Variants in GREB1 observed in about 807,000 individuals in gnomAD.
The protein encoded by GREB1 is protein GREB1.
GREB1 carries 106 observed loss-of-function variants against 200.7 expected under a neutral mutation model. The observed-to-expected ratio is 0.53, with a 90% confidence interval of 0.45 to 0.62. The LOEUF (loss-of-function observed/expected upper bound fraction) is 0.62. GREB1 is among the 20% of genes least tolerant of loss of function. The probability of loss-of-function intolerance (pLI) is 0.00; values close to 1 mark genes in which losing one functional copy is unlikely to be tolerated. For missense variants in GREB1, 2,243 were observed against 2,556.8 expected, an observed-to-expected ratio of 0.88 and a Z score of 2.65; for synonymous variants, 1,132 against 1,092.4, an observed-to-expected ratio of 1.04 and a Z score of -0.72.
chr2:11,634,864 C>T (rs1685183140), intron 29 of GREB1, among the ~76,000 whole-genome samples: 1 of 152,204 alleles, frequency 6.6e-6, no homozygotes, highest in African/African-American at 2.4e-5. Flanking sequence ...GCAGGCCACT[C>T]ACCTCCAAGC....
intron 9 of GREB1, 52 bp from the exon 10 acceptor site, chr2:11,588,694 A>C: frequency 6.6e-7 from 1 of 1,518,952 alleles, no homozygotes; most frequent in East Asian, 2.3e-5. Flanking sequence ...CATGTATGGG[A>C]CCGTAAGCTG....
intron 29 of GREB1, 120 bp downstream of exon 29, chr2:11,634,469 C>T (rs1157625377): frequency 1.2e-5 from 8 of 692,180 alleles, no homozygotes; most frequent in Admixed American, 8.4e-5. Flanking sequence ...CCTTGCTCTC[C>T]GTTGTCCCAG....
At chr2:11,578,250 T>C (rs200563287) in intron 5 of GREB1, 47 bp from the exon 6 acceptor site, 1 of 1,586,632 alleles carries the variant, frequency 6.3e-7, no homozygotes, top group Non-Finnish European at 8.6e-7. Context: ...TTCGTAGTTG[T>C]TGGAGAAGAG....
intron 17 of GREB1, among the ~76,000 whole-genome samples, chr2:11,606,923 C>T (rs1682355671): frequency 6.6e-6 from 1 of 151,874 alleles, no homozygotes; most frequent in African/African-American, 2.4e-5. Flanking sequence ...GCTGGGATTA[C>T]AGGCACGCAC....
intron 7 of GREB1, among the ~76,000 whole-genome samples, chr2:11,581,525 G>A (rs1250174714): frequency 6.6e-6 from 1 of 152,176 alleles, no homozygotes; most frequent in Non-Finnish European, 1.5e-5. Context: ...TGGATGAGAG[G>A]GGTGAGTGAA....
rs1461843070 is a variant in GREB1, at chr2:11,642,778, T to G, written c.*2324T>G. On this transcript the variant is annotated 3_prime_UTR_variant, in exon 33 of 33. Transcript: ENST00000381486. The stretch of plus-strand genomic sequence containing the variant: ...GTTCCAGTCTTATAAATAAAACTTA[T>G]AATGCATGTATTGTTTTGTTGGTGA... 1 of 152,238 alleles carries G rather than the reference T, an allele frequency of 6.6e-6. No individual in the cohort carries two copies. The highest frequency in any genetic ancestry group is 1.5e-5 in the Non-Finnish European group (1 of 68,040). 9.4% of individuals were successfully genotyped at this position (152,238 alleles called of 1,614,324 possible).
At chr2:11,526,703 C>T (rs865809999) in intron 1 of GREB1, among the ~76,000 whole-genome samples, 19 of 151,876 alleles carry the variant, frequency 1.3e-4, no homozygotes, top group South Asian at 1.0e-3. Context: ...TTATAGGCAC[C>T]GGCCACCACG....
At chr2:11,515,208 C>T (rs1673459522) in intron 1 of GREB1, among the ~76,000 whole-genome samples, 1 of 152,180 alleles carries the variant, frequency 6.6e-6, no homozygotes, top group African/African-American at 2.4e-5. Context: ...CACCCACTCA[C>T]TCATTCAGTC....
intron 1 of GREB1, among the ~76,000 whole-genome samples, chr2:11,535,225 A>G (rs1674236424): frequency 1.3e-5 from 2 of 152,056 alleles, no homozygotes; most frequent in Non-Finnish European, 2.9e-5. Context: ...GCATTTCCTC[A>G]GGGCCAGTTG....
In GREB1 at chr2:11,585,140, C is replaced by G. The variant is rs769879363; in HGVS notation, c.902-21C>G. 4.3e-6 allele frequency: 6 copies of G among 1,392,908 alleles called. No homozygotes were observed. In the South Asian group the frequency reaches 8.0e-5, roughly 19 times the overall value. The allele number at this position is 1,392,908 out of a possible 1,614,324, so 86.3% of individuals were successfully genotyped here. A position where few individuals can be genotyped will look rare whatever the true frequency, so the allele number is the denominator to read the frequency against. ...GCCCTGTCCTGGTGATAGCCTAATC[C>G]ACACTCTGAATATTGTCTAGGTATC... On this transcript the variant is annotated intron_variant, in intron 7 of 32. Transcript: ENST00000381486.
chr2:11,615,223 G>A lies in GREB1; in HGVS notation c.3255G>A (p.Glu1085=), dbSNP rs771791269. The change falls in exon 20 of 33, where the codon GAG becomes GAA. Residue 1085 remains glutamate, a synonymous_variant. Coordinates refer to ENST00000381486, the MANE Select transcript of GREB1 (RefSeq NM_014668.4). Reference sequence around the variant, plus strand: ...CCTTGGAGAAGGGGGCTAGGAACGAGGCCTTGGAGAGTGATGCTGAGAAGC... The same window carrying A: ...CCTTGGAGAAGGGGGCTAGGAACGAAGCCTTGGAGAGTGATGCTGAGAAGC... ...EVPLEKGARN[E]ALESDAEKLS... is the part of the protein sequence containing the mutation. 8 of 1,613,332 alleles carry A rather than the reference G, an allele frequency of 5.0e-6. No homozygotes were observed. In the East Asian group the frequency reaches 8.9e-5, roughly 18 times the overall value.
rs898919396 is a variant in GREB1 at position 11,633,142 on chromosome 2, G to A, written c.4991+79G>A. On this transcript the variant is annotated intron_variant, in intron 28 of 32. Coordinates refer to ENST00000381486, the MANE Select transcript of GREB1 (RefSeq NM_014668.4). The surrounding 1 kb of genome is among the most constrained non-coding windows in gnomAD (Gnocchi z 4.1). ...AGTGTGCCCTCTTTGTATGGGGAAT[G>A]TGCCCACCCCTGGAAGACCGGAGGG... is the stretch of plus-strand genomic sequence containing the variant. The A allele has an allele frequency of 1.7e-5, 24 of 1,413,282 alleles. No homozygotes were observed. Among genetic ancestry groups the A allele is most frequent in the East Asian group, 4.6e-5 (2 of 43,714 alleles). The allele number at this position is 1,413,282 out of a possible 1,614,324, so 87.5% of individuals were successfully genotyped here.
intron 1 of GREB1, among the ~76,000 whole-genome samples, chr2:11,552,695 G>A (rs1675979442): frequency 6.6e-6 from 1 of 152,270 alleles, no homozygotes; most frequent in South Asian, 2.1e-4. Context: ...CTGTTTGGTT[G>A]TGGCCACAAT....
chr2:11,602,502 G>A lies in GREB1; in HGVS notation c.2626G>A (p.Asp876Asn), dbSNP rs376668046. 11 of 1,613,746 alleles carry A rather than the reference G, an allele frequency of 6.8e-6. No homozygotes were observed. The highest frequency in any genetic ancestry group is 9.3e-6 in the Non-Finnish European group (11 of 1,179,628). Residue 876 changes from aspartate to asparagine, a missense_variant, in exon 17 of 33, where the codon GAT becomes AAT. Asp to Asn is a conservative substitution (Grantham distance 23, BLOSUM62 1). Transcript: ENST00000381486. Reference protein sequence around the residue: ...SGHSLPLLRYDSSFEAMVTAL... With the variant: ...SGHSLPLLRYNSSFEAMVTAL... ...ACACAGCCTCCCCTTGCTCAGATACGATAGCTCCTTTGAGGCCATGGTCAC... is the reference window on the plus strand; with the variant it reads ...ACACAGCCTCCCCTTGCTCAGATACAATAGCTCCTTTGAGGCCATGGTCAC...
chr2:11,494,136 G>C (rs549196811), intron 1 of GREB1, among the ~76,000 whole-genome samples: 1 of 152,340 alleles, frequency 6.6e-6, no homozygotes, highest in African/African-American at 2.4e-5. Flanking sequence ...CCAGCAGATG[G>C]TAGGGAACCC....
At position 11,562,591 on chromosome 2, in the gene GREB1, C is replaced by T. The variant is rs1216608753; in HGVS notation, c.277+9C>T. The T allele has an allele frequency of 2.6e-6, 4 of 1,568,146 alleles. No individual in the cohort carries two copies. The highest frequency in any genetic ancestry group is 2.8e-5 in the African/African-American group (2 of 71,726). On this transcript the variant is annotated intron_variant, in intron 3 of 32. Coordinates refer to ENST00000381486, the MANE Select transcript of GREB1 (RefSeq NM_014668.4). ...ATGCTGTACCACAGACGGTGAGCCT[C>T]TGCCAGCTCCTGGCCAGGCAGTGCC...
intron 1 of GREB1, among the ~76,000 whole-genome samples, chr2:11,553,571 A>AT (rs368556614): frequency 0.013 from 1,872 of 140,316 alleles, 16 homozygotes; most frequent in South Asian, 0.025. Flanking sequence ...CCCCCATTCT[A>AT]TTTTTTTTTT....
chr2:11,590,590 T>TA (rs558681827), intron 10 of GREB1, among the ~76,000 whole-genome samples: 153 of 152,286 alleles, frequency 1.0e-3, no homozygotes, highest in Non-Finnish European at 1.8e-3. Context: ...ACCTTCTTGT[T>TA]ACTGTGTGTA....
intron 1 of GREB1, among the ~76,000 whole-genome samples, chr2:11,504,862 C>T (rs2148435539): frequency 6.6e-6 from 1 of 152,354 alleles, no homozygotes; most frequent in East Asian, 1.9e-4. Flanking sequence ...AGACACAGCA[C>T]TTTGGGCCAC....
Sources: gnomAD v4.1 joint callset for allele counts (sites outside exome capture counted in the v4.1 genomes callset) on GRCh38, gnomAD v4.1.1 for gene constraint, Gnocchi (gnomAD v3.1) non-coding constraint, MANE v1.5 for transcripts, NCBI Gene and HGNC (gene_info 2026-07-23, HGNC 2026-07-21) for gene names.